The following GOLGA4 variants were observed in gnomAD, a reference collection of about 807,000 sequenced individuals.
GOLGA4 encodes the protein golgin subfamily A member 4.
In GOLGA4, 169 loss-of-function variants were observed where a neutral mutation model predicts 265.9. That is an observed-to-expected ratio of 0.64 (90% CI 0.56 to 0.72). The LOEUF is 0.72. GOLGA4 is among the 30% of genes least tolerant of loss of function. The pLI is 0.00. For synonymous variants in GOLGA4, 923 were observed against 855.8 expected, an observed-to-expected ratio of 1.08 and a Z score of -1.37; for missense variants, 2,482 against 2,483.4, an observed-to-expected ratio of 1.00 and a Z score of 0.01.
At position 37,244,135 on chromosome 3, in the gene GOLGA4, G is replaced by C. The variant is rs144389014; in HGVS notation, c.72+513G>C. 7.2e-3 allele frequency: 1,107 copies of C among 153,328 alleles called. 10 individuals are homozygous for C. The highest frequency in any genetic ancestry group is 0.012 in the Non-Finnish European group (826 of 68,486). The allele number at this position is 153,328 out of a possible 1,614,324, so 9.5% of individuals were successfully genotyped here. On this transcript the variant is annotated intron_variant, in intron 1 of 23. Transcript: ENST00000361924. ...TCCTAATTCCAAACCCAGGTCCAGG[G>C]ATTGAAGGCTGGGGAGTAGAGCCAT...
intron 23 of GOLGA4, among the ~76,000 whole-genome samples, chr3:37,363,574 A>G (rs983035884): frequency 3.9e-5 from 6 of 152,178 alleles, no homozygotes; most frequent in African/African-American, 1.4e-4. Flanking sequence ...CCCATTTGTA[A>G]CATTTGGCAA....
In GOLGA4 at chr3:37,257,989, GTATA is replaced by G. The variant is rs765511291; in HGVS notation, c.162+6509_162+6512del. On this transcript the variant is annotated intron_variant, in intron 2 of 23. Coordinates refer to ENST00000361924, the MANE Select transcript of GOLGA4 (RefSeq NM_002078.5). ...TATATACATACATATATATATGTATGTATATATGTATATATACATACATATATAT... is the reference window on the plus strand; with the variant it reads ...TATATACATACATATATATATGTATGTATGTATATATACATACATATATAT... Among the ~76,000 whole-genome samples the G allele has an allele frequency of 3.1e-4, 26 of 83,632 alleles. 1 individual carries two copies. The highest frequency in any genetic ancestry group is 3.0e-3 in the South Asian group (10 of 3,312). 54.9% of individuals were successfully genotyped at this position (83,632 alleles called of 152,430 possible). A position where few individuals can be genotyped will look rare whatever the true frequency, so the allele number is the denominator to read the frequency against.
intron 21 of GOLGA4, among the ~76,000 whole-genome samples, chr3:37,351,459 C>T (rs1375456972): frequency 3.9e-5 from 6 of 152,116 alleles, no homozygotes; most frequent in Non-Finnish European, 7.4e-5. Flanking sequence ...CATGAATTAC[C>T]AATGTTCTTA....
At chr3:37,248,158 T>C (rs1454882164) in intron 1 of GOLGA4, among the ~76,000 whole-genome samples, 1 of 152,244 alleles carries the variant, frequency 6.6e-6, no homozygotes, top group East Asian at 1.9e-4. Flanking sequence ...TAAGTTTTTG[T>C]AGAGTCAGGG....
chr3:37,269,864 T>C (rs1219888517), intron 2 of GOLGA4, among the ~76,000 whole-genome samples: 1 of 151,436 alleles, frequency 6.6e-6, no homozygotes, highest in Non-Finnish European at 1.5e-5. Flanking sequence ...TGGGGTGATA[T>C]TTCAAACAAT....
chr3:37,324,317 C>G lies in GOLGA4; in HGVS notation c.2431C>G (p.His811Asp). 1 of 1,614,170 alleles carries G rather than the reference C, an allele frequency of 6.2e-7. No individual in the cohort carries two copies. The highest frequency in any genetic ancestry group is 1.3e-5 in the African/African-American group (1 of 75,044). The change falls in exon 14 of 24, where the codon CAT (histidine) becomes GAT (aspartate). Residue 811 changes from histidine (H) to aspartate (D), a missense_variant. This residue lies in a region of GOLGA4 where 1,536 missense variants were observed against 1,483.7 expected (regional missense o/e 1.04). Coordinates refer to ENST00000361924, the MANE Select transcript of GOLGA4 (RefSeq NM_002078.5). ...TTTTCAGTCTTACCAGAGTGCCACA[C>G]ATGAGCAGACAAAAGCATATGAGGA... ...DVFQSYQSAT[H>D]EQTKAYEEQL...
intron 6 of GOLGA4, among the ~76,000 whole-genome samples, chr3:37,295,795 A>T (rs927778419): frequency 6.6e-6 from 1 of 152,226 alleles, no homozygotes; most frequent in Non-Finnish European, 1.5e-5. Context: ...GTGAACATGT[A>T]GACTTTTTTT....
At position 37,351,677 on chromosome 3, in the gene GOLGA4, AG is replaced by A. The variant is rs538148068; in HGVS notation, c.6577-3423del. Among the ~76,000 whole-genome samples, 21 of 152,248 alleles carry A rather than the reference AG, an allele frequency of 1.4e-4. No homozygotes were observed. The South Asian group carries it at 4.4e-3, about 32-fold the overall frequency. ...AATTTAATCTTGCTATCTCCATCAG[AG>A]TTTCTGGGTGACCAGGTGTATTATC... On this transcript the variant is annotated intron_variant, in intron 21 of 23. Transcript: ENST00000361924.
intron 10 of GOLGA4, among the ~76,000 whole-genome samples, chr3:37,303,185 C>G (rs2096897467): frequency 6.6e-6 from 1 of 152,170 alleles, no homozygotes; most frequent in Non-Finnish European, 1.5e-5. Context: ...AGGTAGGTAG[C>G]TGAGTTTAGA....
At chr3:37,274,941 C>T (rs1405075520) in intron 2 of GOLGA4, among the ~76,000 whole-genome samples, 11 of 151,566 alleles carry the variant, frequency 7.3e-5, no homozygotes, top group Non-Finnish European at 1.0e-4. Context: ...GGGCCGGGTG[C>T]GGTGGCTCAT....
chr3:37,310,608 C>T (rs2096920417), intron 10 of GOLGA4, among the ~76,000 whole-genome samples: 1 of 152,104 alleles, frequency 6.6e-6, no homozygotes, highest in South Asian at 2.1e-4. Flanking sequence ...TGAACCTCAT[C>T]TGAACTGGAA....
chr3:37,337,806 T>G (rs1445968928), intron 19 of GOLGA4, 72 bp downstream of exon 19: 2 of 977,836 alleles, frequency 2.0e-6, no homozygotes, highest in Admixed American at 3.8e-5. Flanking sequence ...TCAGCTACTT[T>G]TTAAATAGTT....
rs766581574 is a variant in GOLGA4, at chr3:37,299,058, T to G, written c.1002+38T>G. On this transcript the variant is annotated intron_variant, in intron 8 of 23. Transcript: ENST00000361924. The stretch of plus-strand genomic sequence containing the variant: ...ATGAGTTTTGTTCTAATTTAATCTA[T>G]AAAGTTAGATCCACAGGCTCCACAG... 2.0e-6 allele frequency: 3 copies of G among 1,482,188 alleles called. No individual in the cohort carries two copies. In the Admixed American group the frequency reaches 6.2e-5, roughly 30 times the overall value. The allele number at this position is 1,482,188 out of a possible 1,614,324, so 91.8% of individuals were successfully genotyped here. A position where few individuals can be genotyped will look rare whatever the true frequency, so the allele number is the denominator to read the frequency against.
chr3:37,252,557 T>G (rs1213225816), intron 2 of GOLGA4, among the ~76,000 whole-genome samples: 1 of 152,176 alleles, frequency 6.6e-6, no homozygotes, highest in Non-Finnish European at 1.5e-5. Context: ...CCAGAGTGGT[T>G]GTAGAAATTT....
At chr3:37,360,586 C>G (rs572038814) in intron 22 of GOLGA4, among the ~76,000 whole-genome samples, 5 of 152,012 alleles carry the variant, frequency 3.3e-5, no homozygotes. Flanking sequence ...TTTAAATCAC[C>G]GTGAAGGTAA....
intron 10 of GOLGA4, chr3:37,313,342 G>A (rs779497648): frequency 1.4e-4 from 21 of 152,196 alleles, no homozygotes; most frequent in Non-Finnish European, 2.6e-4. Flanking sequence ...TAGAATAGAT[G>A]TTTGTCTTCA....
At chr3:37,306,499 C>CTGTG (rs761111814) in intron 10 of GOLGA4, among the ~76,000 whole-genome samples, 5 of 115,714 alleles carry the variant, frequency 4.3e-5, no homozygotes, top group Non-Finnish European at 9.0e-5. Context: ...CTTGGCTGTT[C>CTGTG]TCTGTGTGTG....
rs990022462 is a variant in GOLGA4, at chr3:37,275,912, A to G, written c.163-6046A>G. On this transcript the variant is annotated intron_variant, in intron 2 of 23. Transcript: ENST00000361924. ...GGCAAAGTCTCTCATCAAATCCTGGAAAAAATTATTAGATGGGCCATCAAC... is the reference window on the plus strand; with the variant it reads ...GGCAAAGTCTCTCATCAAATCCTGGGAAAAATTATTAGATGGGCCATCAAC... The G allele has an allele frequency of 1.9e-6, 3 of 1,613,654 alleles. No homozygotes were observed. The African/African-American group carries it at 4.0e-5, about 22-fold the overall frequency.
At chr3:37,298,750 C>A in intron 7 of GOLGA4, 83 bp from the exon 8 acceptor site, 1 of 911,906 alleles carries the variant, frequency 1.1e-6, no homozygotes, top group Non-Finnish European at 1.7e-6. Flanking sequence ...GATTAGATCT[C>A]TTTGACTGTC....
Sources: allele counts gnomAD v4.1 joint callset (sites outside exome capture counted in the v4.1 genomes callset), GRCh38; gene constraint gnomAD v4.1.1; regional missense constraint gnomAD v4.1.1; transcripts MANE v1.5; gene names NCBI Gene and HGNC (gene_info 2026-07-23, HGNC 2026-07-21).